The following TNKS variants were observed in gnomAD, a reference collection of about 807,000 sequenced individuals.
The protein encoded by TNKS is poly [ADP-ribose] polymerase tankyrase-1.
A neutral mutation model predicts 135.8 loss-of-function variants in TNKS; 72 were observed. The ratio of observed to expected loss-of-function variants is 0.53; its 90% CI spans 0.44 to 0.64. The LOEUF (loss-of-function observed/expected upper bound fraction) is 0.64, where lower values mean the gene tolerates loss of function less well. Among genes scored for constraint, TNKS ranks in the 30% least tolerant of loss-of-function variants. The pLI is 0.00. For missense variants in TNKS, 1,769 were observed against 1,674.0 expected (o/e 1.06, Z -0.99); for synonymous variants, 849 against 649.3 (o/e 1.31, Z -4.68).
chr8:9,568,891 T>C (rs1272658770), intron 1 of TNKS, among the ~76,000 whole-genome samples: 2 of 152,184 alleles, frequency 1.3e-5, no homozygotes, highest in Non-Finnish European at 2.9e-5. Flanking sequence ...GTGAATTTTT[T>C]TATACTTCTG....
intron 3 of TNKS, among the ~76,000 whole-genome samples, chr8:9,674,224 C>A (rs1224192857): frequency 6.6e-6 from 1 of 152,094 alleles, no homozygotes; most frequent in East Asian, 1.9e-4. Context: ...AATCGTTTAA[C>A]CTGTTCATTT....
intron 3 of TNKS, among the ~76,000 whole-genome samples, chr8:9,667,213 ATAAT>A (rs1414677511): frequency 1.3e-5 from 2 of 152,348 alleles, no homozygotes; most frequent in Admixed American, 6.5e-5. Flanking sequence ...TTATATTGAA[ATAAT>A]TATTTCAGAA....
At chr8:9,564,435 C>T (rs1420151908) in intron 1 of TNKS, among the ~76,000 whole-genome samples, 1 of 152,004 alleles carries the variant, frequency 6.6e-6, no homozygotes, top group Non-Finnish European at 1.5e-5. Flanking sequence ...GTGAATAATT[C>T]TGAGAAAATA....
intron 5 of TNKS, among the ~76,000 whole-genome samples, chr8:9,687,892 G>A (rs1036225558): frequency 2.0e-5 from 3 of 152,166 alleles, no homozygotes; most frequent in South Asian, 4.1e-4. Context: ...TGTTAGAATC[G>A]AAGTTTAAAG....
chr8:9,635,723 G>A (rs1386833325), intron 3 of TNKS, among the ~76,000 whole-genome samples: 4 of 152,300 alleles, frequency 2.6e-5, no homozygotes, highest in Non-Finnish European at 2.9e-5. Flanking sequence ...ATTCTGGCTA[G>A]GGAGGCATGA....
chr8:9,571,580 C>A (rs1457732462), intron 1 of TNKS, among the ~76,000 whole-genome samples: 1 of 152,170 alleles, frequency 6.6e-6, no homozygotes, highest in Non-Finnish European at 1.5e-5. Flanking sequence ...GCCTCAGCCT[C>A]CCAAGTAGCT....
Position 9,555,971 on chromosome 8 carries a change from A to C in TNKS, c.32A>C (p.His11Pro), listed in dbSNP as rs759915435. ...GCGTCGCGTCGCTCTCAGCATCATCACCACCATCATCAACAACAGCTCCAG... is the reference window on the plus strand; with the variant it reads ...GCGTCGCGTCGCTCTCAGCATCATCCCCACCATCATCAACAACAGCTCCAG... MAASRRSQHHHHHHQQQLQPA... is the reference protein window; with the variant it reads MAASRRSQHHPHHHQQQLQPA... Residue 11 changes from histidine (H) to proline (P), a missense_variant, in exon 1 of 27, where the codon CAC becomes CCC. By Grantham distance (77) the His-to-Pro change is moderately conservative. Around this residue, in one of 5 missense-constraint regions of TNKS, gnomAD observed 450 missense variants for 304.9 expected, o/e 1.48. Coordinates refer to ENST00000310430, the MANE Select transcript of TNKS (RefSeq NM_003747.3). 4 of 1,613,200 alleles carry C rather than the reference A, an allele frequency of 2.5e-6. No individual in the cohort carries two copies. The highest frequency in any genetic ancestry group is 3.4e-6 in the Non-Finnish European group (4 of 1,179,838).
intron 2 of TNKS, 110 bp downstream of exon 2, chr8:9,580,493 T>A: frequency 4.4e-6 from 4 of 911,010 alleles, no homozygotes; most frequent in Non-Finnish European, 4.9e-6. Flanking sequence ...TATTGCTTCT[T>A]GTAGAAGCAG....
intron 3 of TNKS, among the ~76,000 whole-genome samples, chr8:9,663,863 C>G (rs1563152388): frequency 6.6e-6 from 1 of 152,202 alleles, no homozygotes; most frequent in African/African-American, 2.4e-5. Flanking sequence ...TTCCTAGCAC[C>G]TCCACACGTT....
At chr8:9,657,859 G>A in intron 3 of TNKS, among the ~76,000 whole-genome samples, 1 of 147,910 alleles carries the variant, frequency 6.8e-6, no homozygotes, top group South Asian at 2.2e-4. Context: ...CAGCTGCCGG[G>A]CGGAGGGGCT....
chr8:9,607,464 G>C (rs1004325732), intron 2 of TNKS, among the ~76,000 whole-genome samples: 1 of 152,160 alleles, frequency 6.6e-6, no homozygotes, highest in African/African-American at 2.4e-5. Flanking sequence ...ACAAATGGTA[G>C]TTTCTTAGTG....
intron 2 of TNKS, among the ~76,000 whole-genome samples, chr8:9,582,905 G>A (rs966853083): frequency 7.2e-5 from 11 of 152,026 alleles, no homozygotes; most frequent in African/African-American, 2.2e-4. Flanking sequence ...GGTGGCTCAC[G>A]TCTGTTATCC....
chr8:9,682,860 C>A (rs115091720), intron 5 of TNKS, among the ~76,000 whole-genome samples: 2 of 151,476 alleles, frequency 1.3e-5, no homozygotes, highest in Non-Finnish European at 2.9e-5. Flanking sequence ...GAGGGAGAAC[C>A]GTATAATTTA....
chr8:9,607,915 T>C (rs1470153085), intron 2 of TNKS, among the ~76,000 whole-genome samples: 1 of 152,150 alleles, frequency 6.6e-6, no homozygotes, highest in Non-Finnish European at 1.5e-5. Flanking sequence ...TAATCACTAA[T>C]AGATGTTGAT....
intron 2 of TNKS, among the ~76,000 whole-genome samples, chr8:9,594,083 C>T (rs917183723): frequency 6.6e-6 from 1 of 152,056 alleles, no homozygotes; most frequent in Non-Finnish European, 1.5e-5. Flanking sequence ...GATGGGGTTT[C>T]GCCATTTTGG....
chr8:9,669,637 T>C (rs1802177954), intron 3 of TNKS, among the ~76,000 whole-genome samples: 2 of 152,204 alleles, frequency 1.3e-5, no homozygotes, highest in South Asian at 4.1e-4. Flanking sequence ...AACATAGTTA[T>C]AGCAGAAGTC....
intron 2 of TNKS, among the ~76,000 whole-genome samples, chr8:9,580,820 A>C (rs1289602313): frequency 6.6e-6 from 1 of 152,184 alleles, no homozygotes; most frequent in Non-Finnish European, 1.5e-5. Flanking sequence ...TGTTTTGAAT[A>C]CAGTAGTTCA....
chr8:9,742,441 C>A (rs1806015796), intron 17 of TNKS, among the ~76,000 whole-genome samples: 1 of 151,466 alleles, frequency 6.6e-6, no homozygotes, highest in African/African-American at 2.4e-5. Flanking sequence ...TGGTATTTTC[C>A]CTGTTCACGA....
chr8:9,749,535 C>T (rs573508600), intron 18 of TNKS, among the ~76,000 whole-genome samples: 6 of 150,458 alleles, frequency 4.0e-5, no homozygotes, highest in East Asian at 3.9e-4. Context: ...AGTGCAGTGG[C>T]GTGATCATGG....
Sources: allele counts gnomAD v4.1 joint callset (sites outside exome capture counted in the v4.1 genomes callset), GRCh38; gene constraint gnomAD v4.1.1; regional missense constraint gnomAD v4.1.1; transcripts MANE v1.5; gene names NCBI Gene and HGNC (gene_info 2026-07-23, HGNC 2026-07-21).